Variants in ESR1 observed in about 807,000 individuals in gnomAD.
ESR1 encodes the protein estrogen receptor.
Under a neutral mutation model 52.7 loss-of-function variants are expected in ESR1, and 12 were observed. That is an observed-to-expected ratio of 0.23 (90% CI 0.15 to 0.37). ESR1 has a LOEUF of 0.37. Ranked by LOEUF, ESR1 falls within the 10% of genes least tolerant of loss-of-function variation. The pLI, the probability that ESR1 is intolerant of heterozygous loss-of-function variation, is 1.00. For synonymous variants in ESR1, 305 were observed against 316.8 expected (o/e 0.96, Z 0.39); for missense variants, 584 against 779.7 (o/e 0.75, Z 2.99).
At chr6:152,033,364 G>A (rs1349647020) in intron 5 of ESR1, among the ~76,000 whole-genome samples, 1 of 152,174 alleles carries the variant, frequency 6.6e-6, no homozygotes, top group Admixed American at 6.5e-5. Flanking sequence ...GCAACCTACA[G>A]AATGGGAGAA....
chr6:151,841,265 G>T (rs1784235524), intron 1 of ESR1, among the ~76,000 whole-genome samples: 1 of 152,158 alleles, frequency 6.6e-6, no homozygotes, highest in South Asian at 2.1e-4. Context: ...TTCTTCAGCT[G>T]CCACCCTATC....
chr6:152,048,719 C>T (rs1052829435), intron 5 of ESR1, among the ~76,000 whole-genome samples: 4 of 152,198 alleles, frequency 2.6e-5, no homozygotes, highest in Non-Finnish European at 4.4e-5. Context: ...AACATAAAGT[C>T]TGCCATATAC....
intron 5 of ESR1, among the ~76,000 whole-genome samples, chr6:152,042,648 G>A (rs1045398673): frequency 2.6e-5 from 4 of 152,156 alleles, no homozygotes; most frequent in Non-Finnish European, 4.4e-5. Context: ...CAAATTGATT[G>A]AGGGGCCGTG....
chr6:151,885,103 T>G (rs1333136056), intron 3 of ESR1, among the ~76,000 whole-genome samples: 1 of 152,206 alleles, frequency 6.6e-6, no homozygotes, highest in Non-Finnish European at 1.5e-5. Flanking sequence ...AGTATTTTTT[T>G]GCACTAATTA....
rs1402813766 is a variant in ESR1 at position 152,099,195 on chromosome 6, C to G, written c.*229C>G. The G allele has an allele frequency of 8.6e-6, 5 of 579,198 alleles. No individual in the cohort carries two copies. Among genetic ancestry groups the G allele is most frequent in the Non-Finnish European group, 1.6e-5 (5 of 320,102 alleles). The allele number at this position is 579,198 out of a possible 1,614,324, so 35.9% of individuals were successfully genotyped here. ...CCAAGGCTAAATCTTTGTAACAGCT[C>G]TCTTTCCCCCTTGCTATGTTACTAA... On this transcript the variant is annotated 3_prime_UTR_variant, in exon 8 of 8. Coordinates refer to ENST00000206249, the MANE Select transcript of ESR1 (RefSeq NM_000125.4).
At chr6:151,974,826 T>C (rs2039275655) in intron 4 of ESR1, among the ~76,000 whole-genome samples, 1 of 152,158 alleles carries the variant, frequency 6.6e-6, no homozygotes, top group Non-Finnish European at 1.5e-5. Flanking sequence ...CCCAAAGCCG[T>C]CTTCACTATT....
At chr6:151,936,322 G>A (rs2034353615) in intron 3 of ESR1, 1 of 152,166 alleles carries the variant, frequency 6.6e-6, no homozygotes, top group Admixed American at 6.5e-5. Context: ...TTGCCATGTA[G>A]GAGAAGTTGG....
chr6:152,025,477 C>A (rs573033566), intron 5 of ESR1, among the ~76,000 whole-genome samples: 1 of 151,798 alleles, frequency 6.6e-6, no homozygotes, highest in Admixed American at 6.6e-5. Context: ...TATATCAAAT[C>A]TTCTGTTAAA....
chr6:151,664,534 G>T (rs190229154), intron 1 of ESR1, among the ~76,000 whole-genome samples: 1 of 152,018 alleles, frequency 6.6e-6, no homozygotes, highest in African/African-American at 2.4e-5. Flanking sequence ...CAGATATATC[G>T]ACAGAGTGAC....
chr6:151,881,681 G>A (rs925570618), intron 3 of ESR1, among the ~76,000 whole-genome samples: 20 of 152,004 alleles, frequency 1.3e-4, no homozygotes, highest in Non-Finnish European at 2.2e-4. Flanking sequence ...TCAGGAGTTC[G>A]AGACCAGCTT....
chr6:152,082,037 A>T (rs2049269073), intron 6 of ESR1, among the ~76,000 whole-genome samples: 1 of 152,194 alleles, frequency 6.6e-6, no homozygotes, highest in South Asian at 2.1e-4. Flanking sequence ...AGAGGTACAA[A>T]GAGGAGCTGG....
In ESR1 at chr6:151,871,398, T is replaced by C. The variant is rs560333298; in HGVS notation, c.644-9257T>C. Among the ~76,000 whole-genome samples, 36 of 152,110 alleles carry C rather than the reference T, an allele frequency of 2.4e-4. No individual in the cohort carries two copies. In the East Asian group the frequency reaches 6.2e-3, roughly 26 times the overall value. ...CTCCCAAAGTGAAGCTCTGTACTTA[T>C]TTTTTATTTTATTTTATTTTTTGAG... On this transcript the variant is annotated intron_variant, in intron 2 of 7. Coordinates refer to ENST00000206249, the MANE Select transcript of ESR1 (RefSeq NM_000125.4).
intron 3 of ESR1, among the ~76,000 whole-genome samples, chr6:151,902,057 C>T (rs1325171274): frequency 6.6e-6 from 1 of 152,162 alleles, no homozygotes; most frequent in East Asian, 1.9e-4. Flanking sequence ...AAGCCAAATC[C>T]AAACTTCTTG....
At chr6:151,665,119 T>C (rs1294571226) in intron 1 of ESR1, among the ~76,000 whole-genome samples, 2 of 152,166 alleles carry the variant, frequency 1.3e-5, no homozygotes, top group Admixed American at 1.3e-4. Context: ...CATTTGCCTG[T>C]GTGTGGAGGG....
intron 2 of ESR1, among the ~76,000 whole-genome samples, chr6:151,722,028 C>T (rs1781495726): frequency 6.6e-6 from 1 of 152,230 alleles, no homozygotes; most frequent in African/African-American, 2.4e-5. Flanking sequence ...TCCTAAGAGA[C>T]TGATCTGCCC....
chr6:151,764,391 A>G (rs368823758), intron 2 of ESR1, among the ~76,000 whole-genome samples: 17 of 152,266 alleles, frequency 1.1e-4, no homozygotes, highest in African/African-American at 3.4e-4. Context: ...TCCTTGATGA[A>G]GGAGATGTTT....
At chr6:152,011,362 C>G (rs1426627373) in intron 4 of ESR1, among the ~76,000 whole-genome samples, 1 of 152,138 alleles carries the variant, frequency 6.6e-6, no homozygotes, top group Non-Finnish European at 1.5e-5. Context: ...AGAAGGCACA[C>G]AAGTTTTCAC....
At chr6:152,043,026 A>C (rs2045935870) in intron 5 of ESR1, among the ~76,000 whole-genome samples, 1 of 152,184 alleles carries the variant, frequency 6.6e-6, no homozygotes, top group African/African-American at 2.4e-5. Flanking sequence ...TCAAGGATGC[A>C]GGTGCTGCCC....
rs76052363 is a variant in ESR1, at chr6:151,719,658, A to C, written c.-71+17653A>C. On this transcript the variant is annotated intron_variant, in intron 2 of 2. Transcript: ENST00000404742. ...TAAATGTAACTGAAAACTTTCTCAG[A>C]AGTGTTTTCATACTATCTCTACAAT... Among the ~76,000 whole-genome samples, 440 of 152,298 alleles carry C rather than the reference A, an allele frequency of 2.9e-3. 5 individuals are homozygous for C. Among genetic ancestry groups the C allele is most frequent in the East Asian group, 0.019 (96 of 5,182 alleles).
Sources: gnomAD v4.1 joint callset for allele counts (sites outside exome capture counted in the v4.1 genomes callset) on GRCh38, gnomAD v4.1.1 for gene constraint, MANE v1.5 for transcripts, NCBI Gene and HGNC (gene_info 2026-07-23, HGNC 2026-07-21) for gene names.